The following HHAT variants were observed in gnomAD, a reference collection of about 807,000 sequenced individuals.
HHAT encodes the protein hedgehog acyltransferase.
A neutral mutation model predicts 70.8 loss-of-function variants in HHAT; 47 were observed. That is an observed-to-expected ratio of 0.66 (90% CI 0.53 to 0.85). The LOEUF (loss-of-function observed/expected upper bound fraction) is 0.85. Ranked by LOEUF, HHAT falls within the 40% of genes least tolerant of loss-of-function variation. HHAT has a pLI of 0.00. For synonymous variants in HHAT, 228 were observed against 247.6 expected, an observed-to-expected ratio of 0.92 and a Z score of 0.74; for missense variants, 609 against 604.8, an observed-to-expected ratio of 1.01 and a Z score of -0.07.
chr1:210,468,675 C>G (rs2094148862), intron 8 of HHAT, among the ~76,000 whole-genome samples: 1 of 152,138 alleles, frequency 6.6e-6, no homozygotes, highest in Non-Finnish European at 1.5e-5. Flanking sequence ...TAAATCAGTT[C>G]TACAAACTGC....
chr1:210,335,199 G>A (rs2085369179), intron 1 of HHAT, among the ~76,000 whole-genome samples: 2 of 151,990 alleles, frequency 1.3e-5, no homozygotes, highest in South Asian at 2.1e-4. Context: ...GACCAAGTTG[G>A]ATTTATTTCA....
At chr1:210,453,719 A>G (rs2093802966) in intron 7 of HHAT, among the ~76,000 whole-genome samples, 2 of 152,152 alleles carry the variant, frequency 1.3e-5, no homozygotes, top group Admixed American at 6.5e-5. Flanking sequence ...GAGGGGGGTA[A>G]TTATTTGCTT....
At chr1:210,568,538 A>G (rs1317409534) in intron 9 of HHAT, among the ~76,000 whole-genome samples, 1 of 152,220 alleles carries the variant, frequency 6.6e-6, no homozygotes, top group Admixed American at 6.5e-5. Context: ...ATGGAGCAAC[A>G]AAAGCTGAGA....
chr1:210,630,631 G>C (rs555286416), intron 11 of HHAT, among the ~76,000 whole-genome samples: 2 of 152,320 alleles, frequency 1.3e-5, no homozygotes, highest in East Asian at 3.9e-4. Context: ...TTTGGGAACA[G>C]ATCTCTCCCA....
intron 11 of HHAT, among the ~76,000 whole-genome samples, chr1:210,656,651 G>A (rs890380711): frequency 6.6e-6 from 1 of 152,196 alleles, no homozygotes; most frequent in Non-Finnish European, 1.5e-5. Flanking sequence ...GGGTTTCCAC[G>A]TGGGTTTGAT....
chr1:210,593,611 A>G (rs1478869926), intron 10 of HHAT, among the ~76,000 whole-genome samples: 13 of 152,162 alleles, frequency 8.5e-5, no homozygotes, highest in Admixed American at 8.5e-4. Flanking sequence ...CTTGATAAAG[A>G]TCCATACGTG....
intron 9 of HHAT, among the ~76,000 whole-genome samples, chr1:210,541,684 GCCACTGCACTACAGCC>G (rs2095432530): frequency 6.6e-6 from 1 of 152,144 alleles, no homozygotes; most frequent in African/African-American, 2.4e-5. Context: ...CTGAGATTGT[GCCACTGCACTACAGCC>G]TGGGTGACAG....
chr1:210,615,484 G>T (rs1667505312), intron 10 of HHAT, among the ~76,000 whole-genome samples: 1 of 152,200 alleles, frequency 6.6e-6, no homozygotes, highest in South Asian at 2.1e-4. Context: ...CTGGTGAGGA[G>T]CTGCATTCCT....
intron 9 of HHAT, among the ~76,000 whole-genome samples, chr1:210,549,326 G>T (rs912730745): frequency 6.7e-6 from 1 of 149,144 alleles, no homozygotes; most frequent in Admixed American, 6.9e-5. Flanking sequence ...TGGCAATAAA[G>T]CCTTTTAGGA....
chr1:210,659,247 A>AG (rs1677123385), intron 11 of HHAT, among the ~76,000 whole-genome samples: 1 of 152,230 alleles, frequency 6.6e-6, no homozygotes, highest in Admixed American at 6.5e-5. Flanking sequence ...CAAATGATAA[A>AG]GGGGATATCA....
At chr1:210,530,026 C>T (rs1415425509) in intron 9 of HHAT, among the ~76,000 whole-genome samples, 1 of 152,118 alleles carries the variant, frequency 6.6e-6, no homozygotes, top group East Asian at 1.9e-4. Flanking sequence ...TGAAGAGGGA[C>T]CACGTGAGTC....
rs1388487951 is a variant in HHAT, at chr1:210,587,886, T to G, written c.1044-12T>G. 1.1e-5 allele frequency: 17 copies of G among 1,611,610 alleles called. No homozygotes were observed. Among genetic ancestry groups the G allele is most frequent in the Non-Finnish European group, 1.2e-5 (14 of 1,178,642 alleles). On this transcript the variant is annotated splice_polypyrimidine_tract_variant and intron_variant, in intron 9 of 11. Coordinates refer to ENST00000261458, the MANE Select transcript of HHAT (RefSeq NM_018194.6). ...CCTCTGTATGTCTCCTAACAGCCTC[T>G]TCTTTCTCTAGGTATGTGTACATTC...
At chr1:210,478,709 CT>C (rs1053703653) in intron 8 of HHAT, among the ~76,000 whole-genome samples, 22 of 152,228 alleles carry the variant, frequency 1.4e-4, no homozygotes, top group African/African-American at 4.3e-4. Flanking sequence ...AGGAATTTTC[CT>C]TATGACAAGT....
intron 10 of HHAT, among the ~76,000 whole-genome samples, chr1:210,601,240 C>T (rs556038549): frequency 1.3e-5 from 2 of 152,112 alleles, no homozygotes; most frequent in South Asian, 2.1e-4. Context: ...AATTGATCAA[C>T]GTGATCCAAA....
chr1:210,626,607 T>G (rs1250729557), intron 11 of HHAT, among the ~76,000 whole-genome samples: 3 of 152,200 alleles, frequency 2.0e-5, no homozygotes, highest in African/African-American at 7.2e-5. Flanking sequence ...TTTTTGTCCC[T>G]GAAGGATTGG....
chr1:210,621,107 A>G (rs1558292766), intron 10 of HHAT, among the ~76,000 whole-genome samples: 1 of 152,104 alleles, frequency 6.6e-6, no homozygotes, highest in African/African-American at 2.4e-5. Context: ...TGCCCCAAGT[A>G]TCAGCTCCAC....
chr1:210,356,094 ATTT>A (rs11449276), intron 2 of HHAT, among the ~76,000 whole-genome samples: 1 of 139,986 alleles, frequency 7.1e-6, no homozygotes. Flanking sequence ...TTGCTTGGCT[ATTT>A]TTTTTTTTTT....
intron 9 of HHAT, among the ~76,000 whole-genome samples, chr1:210,584,845 C>A (rs1228344170): frequency 6.6e-6 from 1 of 152,184 alleles, no homozygotes; most frequent in Non-Finnish European, 1.5e-5. Context: ...GCAGGTTTGC[C>A]CATCCTTATA....
intron 9 of HHAT, among the ~76,000 whole-genome samples, chr1:210,553,265 A>T (rs1156814664): frequency 2.0e-5 from 3 of 152,166 alleles, no homozygotes; most frequent in Non-Finnish European, 4.4e-5. Flanking sequence ...CTGAATTTTC[A>T]GGGTGTGTCC....
Sources: gnomAD v4.1 joint callset for allele counts (sites outside exome capture counted in the v4.1 genomes callset) on GRCh38, gnomAD v4.1.1 for gene constraint, MANE v1.5 for transcripts, NCBI Gene and HGNC (gene_info 2026-07-23, HGNC 2026-07-21) for gene names.